Variants in CUX1 observed in about 807,000 individuals in gnomAD.
CUX1 encodes the protein protein CASP.
In CUX1, 31 loss-of-function variants were observed where a neutral mutation model predicts 158.8. The observed-to-expected ratio is 0.20, with a 90% CI of 0.15 to 0.26. The LOEUF (loss-of-function observed/expected upper bound fraction) is 0.26, where lower values mean the gene tolerates loss of function less well. CUX1 is among the 10% of genes least tolerant of loss of function. The pLI is 1.00. For synonymous variants in CUX1, 879 were observed against 862.1 expected (o/e 1.02, Z -0.34); for missense variants, 1,589 against 2,014.6 (o/e 0.79, Z 4.04).
chr7:101,942,393 A>T (rs911269724), intron 2 of CUX1, among the ~76,000 whole-genome samples: 3 of 152,148 alleles, frequency 2.0e-5, no homozygotes, highest in Non-Finnish European at 4.4e-5. Context: ...CTTACCTTGT[A>T]TTCAGTATTA....
chr7:102,248,199 A>T lies in CUX1; in HGVS notation c.3888-213A>T, dbSNP rs1277669259. ...GTGGAGAATAGGGGAGTGGTGTCCC[A>T]GCCCTGGGATGGCTCCTGGCCAGGC... On this transcript the variant is annotated intron_variant, in intron 23 of 23. Transcript: ENST00000292535. This position sits in a 1 kb window ranked among gnomAD's most constrained non-coding sequence, Gnocchi z 5.8. Among the ~76,000 whole-genome samples the T allele has an allele frequency of 6.6e-6, 1 of 152,186 alleles. No individual in the cohort carries two copies. The highest frequency in any genetic ancestry group is 2.4e-5 in the African/African-American group (1 of 41,448).
rs71519103 is a variant in CUX1, at chr7:102,028,988, A to ATTTT, written c.189+861_189+864dup. On this transcript the variant is annotated intron_variant, in intron 3 of 23. Transcript: ENST00000292535. ...AGCCCATATTGGTACAGTCTTAGGG[A>ATTTT]TTTTTTTTTTTTTTTTTTTTTGGCG... 5.9e-3 allele frequency among the ~76,000 whole-genome samples: 670 copies of ATTTT among 114,162 alleles called. 12 individuals are homozygous for ATTTT. Among genetic ancestry groups the ATTTT allele is most frequent in the South Asian group, 0.023 (76 of 3,282 alleles). 74.9% of individuals were successfully genotyped at this position (114,162 alleles called of 152,430 possible).
intron 1 of CUX1, among the ~76,000 whole-genome samples, chr7:101,825,487 C>T (rs962857504): frequency 2.6e-5 from 4 of 152,236 alleles, no homozygotes; most frequent in African/African-American, 7.2e-5. Flanking sequence ...GCTGCGGAAT[C>T]GTAAAGCTAC....
rs2132655306 is a variant in CUX1, at chr7:102,251,605, G to A, written c.*2563G>A. On this transcript the variant is annotated 3_prime_UTR_variant, in exon 24 of 24. Coordinates refer to ENST00000292535, the MANE Select transcript of CUX1 (RefSeq NM_181552.4). ...AATTCAAAATTAGAGGAGCTTAAGG[G>A]GACACGGGTCAACATCTAGCTCGAT... The A allele has an allele frequency of 1.0e-6, 1 of 985,332 alleles. No homozygotes were observed. Among genetic ancestry groups the A allele is most frequent in the Non-Finnish European group, 1.2e-6 (1 of 829,904 alleles). The allele number at this position is 985,332 out of a possible 1,614,324, so 61.0% of individuals were successfully genotyped here. A position where few individuals can be genotyped will look rare whatever the true frequency, so the allele number is the denominator to read the frequency against.
At chr7:101,845,053 T>C (rs779428126) in intron 1 of CUX1, among the ~76,000 whole-genome samples, 6 of 152,222 alleles carry the variant, frequency 3.9e-5, no homozygotes, top group Non-Finnish European at 7.3e-5. Context: ...CTCATACATT[T>C]ATCTCTCCAA....
chr7:101,929,428 G>T (rs1806039136), intron 2 of CUX1, among the ~76,000 whole-genome samples: 1 of 152,042 alleles, frequency 6.6e-6, no homozygotes, highest in Admixed American at 6.6e-5. Context: ...TTGTCTTTCT[G>T]GTCAATAACC....
intron 2 of CUX1, among the ~76,000 whole-genome samples, chr7:101,933,960 G>A (rs992119933): frequency 3.3e-5 from 5 of 152,174 alleles, no homozygotes; most frequent in Admixed American, 2.6e-4. Context: ...TTAAAAGCCG[G>A]AAAGACCATG....
chr7:101,978,403 C>T (rs1395207863), intron 2 of CUX1, among the ~76,000 whole-genome samples: 1 of 152,214 alleles, frequency 6.6e-6, no homozygotes, highest in Non-Finnish European at 1.5e-5. Flanking sequence ...TCCTCTCCCC[C>T]GACATGCCTG....
chr7:102,141,147 C>T (rs898597166), intron 8 of CUX1, among the ~76,000 whole-genome samples: 1 of 151,940 alleles, frequency 6.6e-6, no homozygotes, highest in Non-Finnish European at 1.5e-5. Context: ...GAATAGGAAC[C>T]GCTGAATTAT....
chr7:101,924,123 C>T (rs1805305808), intron 2 of CUX1, among the ~76,000 whole-genome samples: 1 of 151,930 alleles, frequency 6.6e-6, no homozygotes, highest in South Asian at 2.1e-4. Flanking sequence ...GCGGGGTAAG[C>T]CAGGAAGCCA....
At chr7:101,891,660 C>G (rs1301353866) in intron 1 of CUX1, among the ~76,000 whole-genome samples, 1 of 152,192 alleles carries the variant, frequency 6.6e-6, no homozygotes, top group African/African-American at 2.4e-5. Context: ...AGAAGACGCA[C>G]TCATAATCAG....
chr7:101,911,790 G>A (rs545628552), intron 1 of CUX1, among the ~76,000 whole-genome samples: 1 of 152,354 alleles, frequency 6.6e-6, no homozygotes, highest in Admixed American at 6.5e-5. Flanking sequence ...GCCGTCCAGC[G>A]AGTGCTGGGG....
At chr7:101,958,054 T>C (rs998211687) in intron 2 of CUX1, among the ~76,000 whole-genome samples, 10 of 152,184 alleles carry the variant, frequency 6.6e-5, no homozygotes, top group African/African-American at 2.4e-4. Context: ...GACAAAAGTA[T>C]GCGAGCCCTT....
At chr7:102,025,688 T>TA (rs1319973551) in intron 2 of CUX1, among the ~76,000 whole-genome samples, 1 of 151,932 alleles carries the variant, frequency 6.6e-6, no homozygotes, top group South Asian at 2.1e-4. Context: ...GAGCCTGGTG[T>TA]AAAAAAATAG....
At chr7:101,824,687 C>T (rs1446262255) in intron 1 of CUX1, 1 of 152,168 alleles carries the variant, frequency 6.6e-6, no homozygotes, top group Non-Finnish European at 1.5e-5. Context: ...ACTTCTCGCC[C>T]TTCTCCTGCC....
At chr7:102,130,399 G>A (rs1288429599) in intron 8 of CUX1, among the ~76,000 whole-genome samples, 1 of 152,140 alleles carries the variant, frequency 6.6e-6, no homozygotes, top group Non-Finnish European at 1.5e-5. Flanking sequence ...ATGTAGTGTT[G>A]GCCGGGTAAG....
chr7:102,191,057 C>G (rs925136389), intron 12 of CUX1, among the ~76,000 whole-genome samples: 53 of 152,256 alleles, frequency 3.5e-4, no homozygotes, highest in African/African-American at 1.3e-3. Flanking sequence ...CCTTCTCTCG[C>G]CTGGGACCCC....
intron 14 of CUX1, among the ~76,000 whole-genome samples, chr7:102,269,572 ATTTTT>A (rs71123030): frequency 2.8e-5 from 3 of 107,804 alleles, no homozygotes; most frequent in Non-Finnish European, 1.7e-5. Flanking sequence ...TGCCCGGCTA[ATTTTT>A]TTTTTTTTTT....
intron 17 of CUX1, among the ~76,000 whole-genome samples, chr7:102,276,279 A>G (rs1171254122): frequency 1.3e-4 from 20 of 151,960 alleles, no homozygotes; most frequent in African/African-American, 4.8e-4. Flanking sequence ...ACTGCCATAT[A>G]CTTTTTTGTA....
Sources: gnomAD v4.1 joint callset for allele counts (sites outside exome capture counted in the v4.1 genomes callset) on GRCh38, gnomAD v4.1.1 for gene constraint, Gnocchi (gnomAD v3.1) non-coding constraint, MANE v1.5 for transcripts, NCBI Gene and HGNC (gene_info 2026-07-23, HGNC 2026-07-21) for gene names.